MID2: variants seen among roughly 807,000 people sequenced by gnomAD.
MID2 encodes probable E3 ubiquitin-protein ligase MID2.
In MID2, 13 loss-of-function variants were observed where a neutral mutation model predicts 46.1. The ratio of observed to expected loss-of-function variants is 0.28; its 90% CI spans 0.18 to 0.45. The LOEUF is 0.45. Among genes scored for constraint, MID2 ranks in the 20% least tolerant of loss-of-function variants. MID2 has a pLI of 1.00. For missense variants in MID2, 431 were observed against 575.4 expected (o/e 0.75, Z 2.57); for synonymous variants, 199 against 212.3 (o/e 0.94, Z 0.55).
intron 2 of MID2, among the ~76,000 whole-genome samples, chrX:107,853,830 G>A (rs1931684215): frequency 9.0e-6 from 1 of 111,714 alleles, no homozygotes; most frequent in Non-Finnish European, 1.9e-5. Flanking sequence ...ACTGAGGGCT[G>A]GATACATGGG....
At chrX:107,903,131 T>C (rs975859655) in intron 3 of MID2, among the ~76,000 whole-genome samples, 1 of 111,933 alleles carries the variant, frequency 8.9e-6, no homozygotes, top group African/African-American at 3.2e-5. Context: ...AATTTACCTA[T>C]GAAGTGCTTG....
chrX:107,916,144 T>C lies in MID2; in HGVS notation c.1201+15T>C, dbSNP rs1242399802. The stretch of plus-strand genomic sequence containing the variant: ...TTATTTAACAGGTGTGAAAATACTG[T>C]GCTTTCCTTTCCATTTAATTTTTTT... On this transcript the variant is annotated intron_variant, in intron 6 of 9. Coordinates refer to ENST00000262843, the MANE Select transcript of MID2 (RefSeq NM_012216.4). 1 of 1,109,710 alleles carries C rather than the reference T, an allele frequency of 9.0e-7. No homozygotes were observed. Among genetic ancestry groups the C allele is most frequent in the East Asian group, 3.3e-5 (1 of 30,608 alleles). 91.5% of individuals were successfully genotyped at this position (1,109,710 alleles called of 1,213,427 possible).
chrX:107,851,055 G>A (rs892837997), intron 2 of MID2, among the ~76,000 whole-genome samples: 24 of 111,501 alleles, frequency 2.2e-4, no homozygotes, highest in African/African-American at 6.9e-4. Context: ...CAATATATTC[G>A]CCTAATATAT....
intron 5 of MID2, among the ~76,000 whole-genome samples, chrX:107,910,835 T>TTCCCTCTCTATTTC (rs1932885121): frequency 2.1e-5 from 1 of 48,750 alleles, no homozygotes; most frequent in Non-Finnish European, 3.1e-5. Context: ...TTCCTTTCCT[T>TTCCCTCTCTATTTC]TCCCTCTCTC....
intron 2 of MID2, among the ~76,000 whole-genome samples, chrX:107,853,603 G>A (rs959538810): frequency 2.7e-5 from 3 of 111,480 alleles, no homozygotes; most frequent in East Asian, 5.6e-4. Flanking sequence ...CCTGGCTGAT[G>A]TCCTCTCTTG....
intron 5 of MID2, among the ~76,000 whole-genome samples, chrX:107,913,101 T>G (rs1461652749): frequency 9.0e-6 from 1 of 111,520 alleles, no homozygotes; most frequent in Non-Finnish European, 1.9e-5. Context: ...TTTTAACCCA[T>G]TCTTAACCTT....
At chrX:107,851,531 T>A (rs1203489114) in intron 2 of MID2, among the ~76,000 whole-genome samples, 1 of 110,925 alleles carries the variant, frequency 9.0e-6, no homozygotes, top group Non-Finnish European at 1.9e-5. Flanking sequence ...CCTTCCCCCA[T>A]CCCCTGCCCT....
intron 2 of MID2, among the ~76,000 whole-genome samples, chrX:107,845,525 A>ACACACT (rs1276957001): frequency 2.1e-4 from 15 of 72,946 alleles, no homozygotes; most frequent in African/African-American, 6.8e-4. Context: ...ACACACACAC[A>ACACACT]CTCTCTCTCT....
chrX:107,924,124 A>G (rs1372652633), intron 7 of MID2, among the ~76,000 whole-genome samples: 1 of 112,504 alleles, frequency 8.9e-6, no homozygotes, highest in Non-Finnish European at 1.9e-5. Flanking sequence ...GTTCCATTCA[A>G]TTGCCACAAG....
intron 2 of MID2, 36 bp from the exon 3 acceptor site, chrX:107,854,573 G>A (rs973797985): frequency 1.9e-6 from 2 of 1,040,756 alleles, no homozygotes; most frequent in Non-Finnish European, 2.7e-6. Context: ...CCCTCTTCTC[G>A]GTTCCCCTCT....
intron 1 of MID2, among the ~76,000 whole-genome samples, chrX:107,827,761 T>TC (rs1366774460): frequency 1.2e-5 from 1 of 86,247 alleles, no homozygotes; most frequent in East Asian, 4.4e-4. Flanking sequence ...GACCCTCACA[T>TC]CCCCCTGTCT....
At chrX:107,899,977 G>A (rs1789392091) in intron 3 of MID2, among the ~76,000 whole-genome samples, 1 of 111,989 alleles carries the variant, frequency 8.9e-6, no homozygotes, top group Admixed American at 9.5e-5. Flanking sequence ...AGCAATTTGA[G>A]TTGTTTTATT....
At chrX:107,869,633 T>C (rs1569465313) in intron 3 of MID2, among the ~76,000 whole-genome samples, 1 of 111,374 alleles carries the variant, frequency 9.0e-6, no homozygotes, top group Non-Finnish European at 1.9e-5. Flanking sequence ...TGGGACCGTC[T>C]CTTTAATATT....
Position 107,831,770 on chromosome X carries a change from C to T in MID2, c.4+5340C>T, listed in dbSNP as rs767898703. Among the ~76,000 whole-genome samples, 8 of 112,327 alleles carry T rather than the reference C, an allele frequency of 7.1e-5. No homozygotes were observed. In the South Asian group the frequency reaches 3.0e-3, roughly 42 times the overall value. ...AACTTACAAATATTTTGTTGGGTAA[C>T]AGAGGTTAGGAAAAGCAATCCTAGA... On this transcript the variant is annotated intron_variant, in intron 1 of 9. Transcript: ENST00000262843.
chrX:107,925,997 C>T lies in MID2; in HGVS notation c.1598-97C>T, dbSNP rs758707766. 46 of 613,235 alleles carry T rather than the reference C, an allele frequency of 7.5e-5. No individual in the cohort carries two copies. In the East Asian group the frequency reaches 7.7e-4, roughly 10 times the overall value. 50.5% of individuals were successfully genotyped at this position (613,235 alleles called of 1,213,427 possible). A position where few individuals can be genotyped will look rare whatever the true frequency, so the allele number is the denominator to read the frequency against. On this transcript the variant is annotated intron_variant, in intron 8 of 9. Transcript: ENST00000262843. Reference sequence around the variant, plus strand: ...ACTGGACCAAGAGTGATCATGTTATCGAGCATACCCTGCCAGTGATGATGC... The same window carrying T: ...ACTGGACCAAGAGTGATCATGTTATTGAGCATACCCTGCCAGTGATGATGC...
At chrX:107,866,171 C>T (rs2147840041) in intron 3 of MID2, among the ~76,000 whole-genome samples, 1 of 111,907 alleles carries the variant, frequency 8.9e-6, no homozygotes, top group South Asian at 3.7e-4. Flanking sequence ...TTCTGGGATT[C>T]CAATTGCCAC....
At chrX:107,857,516 G>A (rs1931766216) in intron 3 of MID2, among the ~76,000 whole-genome samples, 1 of 111,603 alleles carries the variant, frequency 9.0e-6, no homozygotes, top group South Asian at 3.7e-4. Context: ...CCTGAGCTCA[G>A]GCAATCCACC....
intron 3 of MID2, among the ~76,000 whole-genome samples, chrX:107,862,240 T>C (rs1325700649): frequency 9.0e-6 from 1 of 111,455 alleles, no homozygotes; most frequent in African/African-American, 3.3e-5. Context: ...GTACTAGTAG[T>C]AGTAATTTTG....
intron 3 of MID2, among the ~76,000 whole-genome samples, chrX:107,864,144 C>A (rs377541094): frequency 5.2e-4 from 58 of 112,205 alleles, no homozygotes; most frequent in African/African-American, 1.4e-3. Flanking sequence ...TACTTGCCAC[C>A]GATTCATTTG....
Sources: allele counts gnomAD v4.1 joint callset (sites outside exome capture counted in the v4.1 genomes callset), GRCh38; gene constraint gnomAD v4.1.1; transcripts MANE v1.5; gene names NCBI Gene and HGNC (gene_info 2026-07-23, HGNC 2026-07-21).